Variants in NBPF20 observed in about 807,000 individuals in gnomAD.
NBPF20 encodes NBPF member 20.
In NBPF20, 90 loss-of-function variants were observed where a neutral mutation model predicts 68.1. The ratio of observed to expected loss-of-function variants is 1.32; its 90% CI spans 1.11 to 1.58. The LOEUF (loss-of-function observed/expected upper bound fraction) is 1.58. Ranked by LOEUF, NBPF20 falls within the 40% of genes most tolerant of loss-of-function variation. The probability of loss-of-function intolerance (pLI) is 0.00; values close to 1 mark genes in which losing one functional copy is unlikely to be tolerated. For missense variants in NBPF20, 816 were observed against 601.2 expected (o/e 1.36, Z -3.74); for synonymous variants, 290 against 228.1 (o/e 1.27, Z -2.45).
intron 9 of NBPF20, 182 bp downstream of exon 14, chr1:145,393,702 G>C (rs1374313138): frequency 1.4e-6 from 2 of 1,465,426 alleles, no homozygotes; most frequent in Admixed American, 1.9e-5. Context: ...TAAATGATAA[G>C]GGTAGGAAGA....
chr1:145,296,096 C>A lies in NBPF20; in HGVS notation c.16138+242G>T, dbSNP rs1485559222. The A allele has an allele frequency of 7.9e-4, 107 of 135,332 alleles. 25 individuals carry two copies. The highest frequency in any genetic ancestry group is 1.7e-3 in the Admixed American group (13 of 7,674). The allele number at this position is 135,332 out of a possible 1,614,324, so 8.4% of individuals were successfully genotyped here. On this transcript the variant is annotated intron_variant, in intron 132 of 137. Transcript: ENST00000369373. Reference sequence around the variant, plus strand: ...TGTCACATCTGCCCAGGTCCAACATCATGAGAGTAGGATTAGGGCGCCACA... The same window carrying A: ...TGTCACATCTGCCCAGGTCCAACATAATGAGAGTAGGATTAGGGCGCCACA...
In NBPF20 at chr1:145,291,911, G is replaced by C. The variant is rs1407362706; in HGVS notation, c.16698-142C>G. 6.5e-6 allele frequency: 10 copies of C among 1,540,178 alleles called. No individual in the cohort carries two copies. In the East Asian group the frequency reaches 1.1e-4, roughly 17 times the overall value. On this transcript the variant is annotated intron_variant, in intron 137 of 137. Transcript: ENST00000369373. Reference sequence around the variant, plus strand: ...TAATGAGGTAAAAAAAAAATTTATTGCCTATATGTTGGGATAGAACAGGGC... The same window carrying C: ...TAATGAGGTAAAAAAAAAATTTATTCCCTATATGTTGGGATAGAACAGGGC...
the NBPF20 span, among the ~76,000 whole-genome samples, chr1:145,410,886 T>TACAC: frequency 4.8e-5 from 6 of 124,300 alleles, no homozygotes; most frequent in Middle Eastern, 3.8e-3. Context: ...TATATATGTA[T>TACAC]ACACACACAC....
chr1:145,398,037 C>G (rs1462334812), intron 7 of NBPF20, among the ~76,000 whole-genome samples: 22 of 152,150 alleles, frequency 1.4e-4, no homozygotes, highest in Admixed American at 6.5e-5. Context: ...GTTAACTATC[C>G]TAAACATATA....
chr1:145,395,619 T>A (rs1662192601), intron 7 of NBPF20, among the ~76,000 whole-genome samples: 4 of 149,764 alleles, frequency 2.7e-5, no homozygotes, highest in South Asian at 2.1e-4. Flanking sequence ...GCCAACATAC[T>A]ACCAACAAAT....
chr1:145,400,608 T>C lies in NBPF20; in HGVS notation c.567-14A>G. The stretch of plus-strand genomic sequence containing the variant: ...TTCTGCATCTCCCTGATGAGCCAGG[T>C]GGGACAGAGATGACAGAAGATTAAA... On this transcript the variant is annotated splice_polypyrimidine_tract_variant and intron_variant, in intron 5 of 137. Transcript: ENST00000369373. 1 of 1,610,028 alleles carries C rather than the reference T, an allele frequency of 6.2e-7. No homozygotes were observed. The highest frequency in any genetic ancestry group is 8.5e-7 in the Non-Finnish European group (1 of 1,178,084).
the NBPF20 span, among the ~76,000 whole-genome samples, chr1:145,419,848 C>T: frequency 2.6e-5 from 4 of 152,124 alleles, no homozygotes; most frequent in Non-Finnish European, 2.9e-5. Flanking sequence ...TGAAAGAAGG[C>T]GTCCACCACA....
At chr1:145,407,547 T>C (rs1402693714), upstream of NBPF20, among the ~76,000 whole-genome samples, 4 of 147,424 alleles carry the variant, frequency 2.7e-5, no homozygotes, top group African/African-American at 7.4e-5. Flanking sequence ...AATACGTGTA[T>C]ATACATAATA....
chr1:145,306,329 C>T lies in NBPF20; in HGVS notation c.14445-264G>A, dbSNP rs1322210065. On this transcript the variant is annotated intron_variant, in intron 119 of 137. Transcript: ENST00000369373. ...CACACACACACACAGAGAGAGAGAACGAGCTCAGTGAATTGTCCAGGTGAC... is the reference window on the plus strand; with the variant it reads ...CACACACACACACAGAGAGAGAGAATGAGCTCAGTGAATTGTCCAGGTGAC... Among the ~76,000 whole-genome samples, 64 of 147,746 alleles carry T rather than the reference C, an allele frequency of 4.3e-4. 3 individuals are homozygous for T. In the South Asian group the frequency reaches 0.013, roughly 29 times the overall value.
chr1:145,398,791 G>C (rs1662379349), intron 7 of NBPF20, among the ~76,000 whole-genome samples: 1 of 151,450 alleles, frequency 6.6e-6, no homozygotes, highest in South Asian at 2.1e-4. Context: ...TCCAGGGCTG[G>C]TTTTTTGAAA....
chr1:145,410,380 T>C (rs1553668707), upstream of NBPF20, among the ~76,000 whole-genome samples: 1 of 150,160 alleles, frequency 6.7e-6, no homozygotes, highest in African/African-American at 2.4e-5. Flanking sequence ...AGTGGCGGGA[T>C]CTCGGCTCAC....
At chr1:145,394,910 C>T (rs1185758141) in intron 8 of NBPF20, 68 bp downstream of exon 13, 102 of 1,576,040 alleles carry the variant, frequency 6.5e-5, no homozygotes, top group Non-Finnish European at 8.5e-5. Context: ...GGGCACAAGG[C>T]CCAAAGATTA....
At chr1:145,291,769 C>G (rs376913027) in exon 138 of NBPF20, 1 of 1,611,742 alleles carries the variant, frequency 6.2e-7, no homozygotes, top group Non-Finnish European at 8.5e-7. Flanking sequence ...CGCCGTTGAG[C>G]CTGGAAAAGG....
At chr1:145,423,975 CTTTTTTTT>C in the NBPF20 span, among the ~76,000 whole-genome samples, 1 of 133,426 alleles carries the variant, frequency 7.5e-6, no homozygotes, top group Non-Finnish European at 1.6e-5. Context: ...ATTACCTGTA[CTTTTTTTT>C]TTTTTTTTTG....
At chr1:145,410,088 C>A (rs1438496262), upstream of NBPF20, among the ~76,000 whole-genome samples, 2 of 152,018 alleles carry the variant, frequency 1.3e-5, no homozygotes, top group African/African-American at 2.4e-5. Flanking sequence ...TTACGTTTAA[C>A]CTTTAAGAAA....
chr1:145,403,200 C>G lies in NBPF20; in HGVS notation c.278+16G>C. The stretch of plus-strand genomic sequence containing the variant: ...ACACACCTGCCCCCCTGCCTGCCAC[C>G]ATGGGGTCCCCTCACCTGAGCTCCT... On this transcript the variant is annotated intron_variant, in intron 3 of 137. Coordinates refer to ENST00000369373, the Ensembl canonical transcript of NBPF20. The G allele has an allele frequency of 6.2e-7, 1 of 1,612,320 alleles. No individual in the cohort carries two copies. Among genetic ancestry groups the G allele is most frequent in the East Asian group, 2.2e-5 (1 of 44,874 alleles).
At chr1:145,291,397 G>T (rs1245123125) in exon 138 of NBPF20, 1 of 1,589,544 alleles carries the variant, frequency 6.3e-7, no homozygotes, top group Non-Finnish European at 8.5e-7. Flanking sequence ...TTGAGAATAG[G>T]AATACAGCCA....
chr1:145,410,300 G>C (rs187301834), upstream of NBPF20, among the ~76,000 whole-genome samples: 1 of 151,468 alleles, frequency 6.6e-6, no homozygotes, highest in Non-Finnish European at 1.5e-5. Context: ...TATGCTAATT[G>C]ACCATTCATG....
intron 2 of NBPF20, among the ~76,000 whole-genome samples, chr1:145,403,988 G>A (rs1662647353): frequency 7.8e-6 from 1 of 128,794 alleles, no homozygotes; most frequent in Admixed American, 8.4e-5. Flanking sequence ...AATAGCTCAT[G>A]TAATTCACTG....
Sources: gnomAD v4.1 joint callset for allele counts (sites outside exome capture counted in the v4.1 genomes callset) on GRCh38, gnomAD v4.1.1 for gene constraint, MANE v1.5 for transcripts, NCBI Gene and HGNC (gene_info 2026-07-23, HGNC 2026-07-21) for gene names.